KRT9: variants seen among roughly 807,000 people sequenced by gnomAD.
The protein encoded by KRT9 is keratin, type I cytoskeletal 9.
Under a neutral mutation model 51.4 loss-of-function variants are expected in KRT9, and 34 were observed. The observed-to-expected ratio is 0.66, with a 90% CI of 0.50 to 0.88. The LOEUF (loss-of-function observed/expected upper bound fraction) is 0.88, where lower values mean the gene tolerates loss of function less well. Ranked by LOEUF, KRT9 falls within the 40% of genes least tolerant of loss-of-function variation. The pLI is 0.00. For missense variants in KRT9, 753 were observed against 790.3 expected (o/e 0.95, Z 0.57); for synonymous variants, 292 against 289.7 (o/e 1.01, Z -0.08).
chr17:41,568,023 GC>G, intron 6 of KRT9, 138 bp downstream of exon 6: 2 of 956,388 alleles, frequency 2.1e-6, no homozygotes, highest in Non-Finnish European at 1.6e-6. Context: ...GGTCCCCCCG[GC>G]CCCCAGGATG....
At chr17:41,570,282 GC>G in intron 1 of KRT9, 62 bp from the exon 2 acceptor site, 1 of 1,345,022 alleles carries the variant, frequency 7.4e-7, no homozygotes, top group Non-Finnish European at 1.1e-6. Context: ...AGGGCAAGAG[GC>G]CAGGCAAAGC....
intron 4 of KRT9, among the ~76,000 whole-genome samples, chr17:41,569,063 A>T (rs190426886): frequency 6.6e-6 from 1 of 152,332 alleles, no homozygotes; most frequent in East Asian, 1.9e-4. Context: ...GACACACTGT[A>T]TCCCTCTGCT....
chr17:41,571,304 G>A (rs376081787), intron 1 of KRT9, 47 bp downstream of exon 1: 3 of 1,529,426 alleles, frequency 2.0e-6, no homozygotes, highest in Admixed American at 1.7e-5. Flanking sequence ...GGAAGATAAA[G>A]AATGAAAGAG....
rs1277730725 is a variant in KRT9, at chr17:41,571,561, A to G, written c.432T>C (p.Gly144=). 3.1e-6 allele frequency: 5 copies of G among 1,611,698 alleles called. No homozygotes were observed. The highest frequency in any genetic ancestry group is 3.4e-6 in the Non-Finnish European group (4 of 1,179,032). The part of the protein sequence containing the change: ...FGGFGGGAGG[G]DGGILTANEK... The stretch of plus-strand genomic sequence containing the variant: ...CATTAGCAGTCAGAATACCACCATC[A>G]CCTCCTCCAGCACCACCTCCAAAGC... Residue 144 remains glycine (G), a synonymous_variant, in exon 1 of 8, where the codon GGT becomes GGC. Transcript: ENST00000246662.
In KRT9 at chr17:41,571,688, C is replaced by T. The variant is rs374319007; in HGVS notation, c.305G>A (p.Gly102Glu). The part of the protein sequence containing the change: ...GGSRGFGGAS[G>E]GGYSSSGGFG... ...ACCCCCAGAACTACTATAGCCTCCT[C>T]CAGAAGCACCACCAAAACCTCTGGA... is the stretch of plus-strand genomic sequence containing the variant. The change falls in exon 1 of 8, where the codon GGA (glycine) becomes GAA (glutamate). Residue 102 changes from glycine (G) to glutamate (E), a missense_variant. Transcript: ENST00000246662. 4.4e-6 allele frequency: 7 copies of T among 1,606,058 alleles called. No homozygotes were observed. The African/African-American group carries it at 9.4e-5, about 22-fold the overall frequency.
At position 41,567,455 on chromosome 17, in the gene KRT9, AG is replaced by A; in HGVS notation, c.1689del (p.Ser564LeufsTer?). On this transcript the variant is annotated frameshift_variant, in exon 7 of 8. Coordinates refer to ENST00000246662, the MANE Select transcript of KRT9 (RefSeq NM_000226.4). LOFTEE classifies it low-confidence loss of function (END_TRUNC). ...TAGCCACCCCCACTTCCTCCTCCAGAGCCACTTCCTCCTCCATAGTTGCCCC... is the reference window on the plus strand; with the variant it reads ...TAGCCACCCCCACTTCCTCCTCCAGACCACTTCCTCCTCCATAGTTGCCCC... ...GSGGNYGGGSGSGGGSGGGYG... is the reference protein window; with the variant it reads ...GSGGNYGGGSXSGGGSGGGYG... 1 of 1,514,466 alleles carries A rather than the reference AG, an allele frequency of 6.6e-7. No homozygotes were observed. Among genetic ancestry groups the A allele is most frequent in the Non-Finnish European group, 8.8e-7 (1 of 1,134,470 alleles). 93.8% of individuals were successfully genotyped at this position (1,514,466 alleles called of 1,614,324 possible). A position where few individuals can be genotyped will look rare whatever the true frequency, so the allele number is the denominator to read the frequency against.
chr17:41,567,322 C>G lies in KRT9; in HGVS notation c.1823G>C (p.Gly608Ala). Residue 608 changes from glycine (G) to alanine (A), a missense_variant, in exon 7 of 8, where the codon GGA becomes GCA. Physicochemically the swap from Gly to Ala is moderately conservative, Grantham distance 60. This residue lies in a region of KRT9 where 507 missense variants were observed against 563.7 expected (regional missense o/e 0.90). Coordinates refer to ENST00000246662, the MANE Select transcript of KRT9 (RefSeq NM_000226.4). ...TCCTCCTCCGTAGCCGCCACCACTT[C>G]CACTCGCTTCTTCACCGCCTCCGTA... ...GSYGGGEEAS[G>A]SGGGYGGGSG... is the part of the protein sequence containing the mutation. 6.2e-7 allele frequency: 1 copy of G among 1,614,206 alleles called. No individual in the cohort carries two copies. Among genetic ancestry groups the G allele is most frequent in the Non-Finnish European group, 8.5e-7 (1 of 1,180,036 alleles).
In KRT9 at chr17:41,567,690, A is replaced by G. The variant is rs148711206; in HGVS notation, c.1455T>C (p.Tyr485=). The part of the protein sequence containing the change: ...LGGRGGSGGS[Y]GRGSRGGSGG... The stretch of plus-strand genomic sequence containing the variant: ...CACTTCCTCCCCTGGATCCTCTTCC[A>G]TAACTGCCTCCACTTCCTCCTCGAC... Residue 485 remains tyrosine (Y), a synonymous_variant, in exon 7 of 8, where the codon TAT becomes TAC. Transcript: ENST00000246662. 9.6e-5 allele frequency: 155 copies of G among 1,613,706 alleles called. No individual in the cohort carries two copies. Among genetic ancestry groups the G allele is most frequent in the Non-Finnish European group, 1.2e-4 (147 of 1,179,844 alleles).
At position 41,572,024 on chromosome 17, in the gene KRT9, A is replaced by ACGG; in HGVS notation, c.-33_-32insCCG. On this transcript the variant is annotated 5_prime_UTR_variant, in exon 1 of 8. Transcript: ENST00000246662. Reference sequence around the variant, plus strand: ...GCTGGTAGCTCACGGGTTGAGAAGCAGTGATAGGAGTGCTACCGGCTCCCA... The same window carrying ACGG: ...GCTGGTAGCTCACGGGTTGAGAAGCACGGGTGATAGGAGTGCTACCGGCTCCCA... 1 of 1,550,708 alleles carries ACGG rather than the reference A, an allele frequency of 6.4e-7. No homozygotes were observed. The highest frequency in any genetic ancestry group is 8.7e-7 in the Non-Finnish European group (1 of 1,152,956).
chr17:41,571,326 G>C, intron 1 of KRT9, 25 bp downstream of exon 1: 2 of 1,594,718 alleles, frequency 1.3e-6, no homozygotes, highest in Non-Finnish European at 1.7e-6. Context: ...AAGAGACCAA[G>C]ACAGAGACAG....
Position 41,567,481 on chromosome 17 carries a change from C to T in KRT9, c.1664G>A (p.Gly555Glu), listed in dbSNP as rs867028769. ...GSGGGHSGGSGGNYGGGSGSG... is the reference protein window; with the variant it reads ...GSGGGHSGGSEGNYGGGSGSG... ...GCCACTTCCTCCTCCATAGTTGCCCCCACTTCCTCCACTATGACCACCTCC... is the reference window on the plus strand; with the variant it reads ...GCCACTTCCTCCTCCATAGTTGCCCTCACTTCCTCCACTATGACCACCTCC... Residue 555 changes from glycine (G) to glutamate (E), a missense_variant, in exon 7 of 8, where the codon GGG becomes GAG. Physicochemically the swap from Gly to Glu is moderately conservative, Grantham distance 98. Coordinates refer to ENST00000246662, the MANE Select transcript of KRT9 (RefSeq NM_000226.4). 4 of 1,550,550 alleles carry T rather than the reference C, an allele frequency of 2.6e-6. No individual in the cohort carries two copies. The highest frequency in any genetic ancestry group is 3.5e-6 in the Non-Finnish European group (4 of 1,147,106).
rs887099125 is a variant in KRT9 at position 41,571,272 on chromosome 17, A to G, written c.642+79T>C. ...TTCCCTGGCTATTATCTGAGCTTAGAGTTTAGCATTTTAACTTTTTTGGAA... is the reference window on the plus strand; with the variant it reads ...TTCCCTGGCTATTATCTGAGCTTAGGGTTTAGCATTTTAACTTTTTTGGAA... On this transcript the variant is annotated intron_variant, in intron 1 of 7. Transcript: ENST00000246662. 3 of 1,257,344 alleles carry G rather than the reference A, an allele frequency of 2.4e-6. No homozygotes were observed. The African/African-American group carries it at 4.4e-5, about 19-fold the overall frequency. 77.9% of individuals were successfully genotyped at this position (1,257,344 alleles called of 1,614,324 possible).
intron 4 of KRT9, 21 bp downstream of exon 4, chr17:41,569,405 T>A (rs1906992937): frequency 1.2e-6 from 2 of 1,611,780 alleles, no homozygotes; most frequent in Admixed American, 1.7e-5. Flanking sequence ...GGAGGATGAA[T>A]GGGCAGCCCA....
At position 41,567,786 on chromosome 17, in the gene KRT9, C is replaced by T. The variant is rs151213775; in HGVS notation, c.1395-36G>A. On this transcript the variant is annotated intron_variant, in intron 6 of 7. Coordinates refer to ENST00000246662, the MANE Select transcript of KRT9 (RefSeq NM_000226.4). ...AAGAAAACAAGAGAGTTAAAATGAG[C>T]GGCCCCCATACACATATATGAGGAT... 2,246 of 1,613,270 alleles carry T rather than the reference C, an allele frequency of 1.4e-3. 27 individuals carry two copies. In the African/African-American group the frequency reaches 0.026, roughly 19 times the overall value.
intron 1 of KRT9, among the ~76,000 whole-genome samples, chr17:41,570,891 A>T (rs1340334301): frequency 6.6e-6 from 1 of 152,212 alleles, no homozygotes; most frequent in African/African-American, 2.4e-5. Context: ...AGATGGAAGG[A>T]TGGATGGATA....
At chr17:41,569,782 T>C in intron 3 of KRT9, 77 bp downstream of exon 3, 1 of 1,575,960 alleles carries the variant, frequency 6.3e-7, no homozygotes, top group Non-Finnish European at 8.7e-7. Context: ...TCCCAGGTAA[T>C]GTTCCAAAGC....
chr17:41,566,467 T>C (rs1273098365), intron 7 of KRT9, among the ~76,000 whole-genome samples: 1 of 152,180 alleles, frequency 6.6e-6, no homozygotes, highest in Non-Finnish European at 1.5e-5. Flanking sequence ...GGCCCCAGCC[T>C]CACTCCTAGA....
In KRT9 at chr17:41,571,820, G is replaced by A; in HGVS notation, c.173C>T (p.Ser58Phe). The A allele has an allele frequency of 6.2e-7, 1 of 1,612,752 alleles. No individual in the cohort carries two copies. Among genetic ancestry groups the A allele is most frequent in the Non-Finnish European group, 8.5e-7 (1 of 1,179,302 alleles). ...ACCGCCTCCCCTCCCACAGACACGA[G>A]AGCTTCCCCCACCATAGCCACTAGA... ...SSSSGYGGGS[S>F]RVCGRGGGGS... is the part of the protein sequence containing the mutation. Residue 58 changes from serine (S) to phenylalanine (F), a missense_variant, in exon 1 of 8, where the codon TCT becomes TTT. This residue lies in a region of KRT9 where 241 missense variants were observed against 210.3 expected (regional missense o/e 1.15). Coordinates refer to ENST00000246662, the MANE Select transcript of KRT9 (RefSeq NM_000226.4).
chr17:41,570,058 G>A (rs933960011), intron 2 of KRT9, 43 bp from the exon 3 acceptor site: 73 of 1,613,794 alleles, frequency 4.5e-5, no homozygotes, highest in Middle Eastern at 1.6e-4. Flanking sequence ...GAGGGAACCA[G>A]GCCCTACCAG....
Sources: allele counts gnomAD v4.1 joint callset (sites outside exome capture counted in the v4.1 genomes callset), GRCh38; gene constraint gnomAD v4.1.1; regional missense constraint gnomAD v4.1.1; transcripts MANE v1.5; gene names NCBI Gene and HGNC (gene_info 2026-07-23, HGNC 2026-07-21).